LRRC43: variants seen among roughly 807,000 people sequenced by gnomAD.
The protein encoded by LRRC43 is leucine rich repeat containing 43, also known as leucine-rich repeat-containing protein 43.
In LRRC43, 62 loss-of-function variants were observed where a neutral mutation model predicts 64.3. The observed-to-expected ratio is 0.96, with a 90% CI of 0.79 to 1.19. The LOEUF is 1.19. LRRC43 is among the 50% of genes most tolerant of loss of function. The pLI, the probability that LRRC43 is intolerant of heterozygous loss-of-function variation, is 0.00. For missense variants in LRRC43, 868 were observed against 845.0 expected, an observed-to-expected ratio of 1.03 and a Z score of -0.34; for synonymous variants, 422 against 382.3, an observed-to-expected ratio of 1.10 and a Z score of -1.21.
In LRRC43 at chr12:122,190,175, C is replaced by G. The variant is rs1953699253; in HGVS notation, c.708C>G (p.Asp236Glu). 1.2e-6 allele frequency: 2 copies of G among 1,614,172 alleles called. No homozygotes were observed. Among genetic ancestry groups the G allele is most frequent in the Non-Finnish European group, 1.7e-6 (2 of 1,180,030 alleles). ...SLDLGFNDLT[D>E]LQSMVTSLRT... ...ACCTGGGCTTCAACGACCTGACAGA[C>G]CTGCAGAGCATGGTCACCAGCCTGA... Residue 236 changes from aspartate (D) to glutamate (E), a missense_variant, in exon 5 of 12, where the codon GAC becomes GAG. Coordinates refer to ENST00000339777, the MANE Select transcript of LRRC43 (RefSeq NM_001098519.2).
At chr12:122,179,875 G>A (rs1389061596), upstream of LRRC43, among the ~76,000 whole-genome samples, 3 of 151,526 alleles carry the variant, frequency 2.0e-5, no homozygotes, top group Non-Finnish European at 4.4e-5. Context: ...GGAGGCTGAG[G>A]CAGGAGAATT....
At chr12:122,189,902 G>A (rs529790728) in intron 4 of LRRC43, among the ~76,000 whole-genome samples, 83 of 152,350 alleles carry the variant, frequency 5.4e-4, no homozygotes, top group Middle Eastern at 6.8e-3. Context: ...CGGTGGGGGC[G>A]TCTCTGTGAC....
chr12:122,175,327 G>T (rs1479085342), intron 1 of LRRC43, among the ~76,000 whole-genome samples: 1 of 151,464 alleles, frequency 6.6e-6, no homozygotes, highest in African/African-American at 2.4e-5. Flanking sequence ...CCACCACCAC[G>T]CACAGCTAAT....
chr12:122,199,981 C>T (rs1312948002), intron 7 of LRRC43, among the ~76,000 whole-genome samples: 1 of 152,194 alleles, frequency 6.6e-6, no homozygotes, highest in Non-Finnish European at 1.5e-5. Flanking sequence ...CTCCACTTGC[C>T]TTTCTTTTGC....
At position 122,200,983 on chromosome 12, in the gene LRRC43, C is replaced by T. The variant is rs776378165; in HGVS notation, c.1809+49C>T. 3.3e-6 allele frequency: 5 copies of T among 1,535,378 alleles called. No individual in the cohort carries two copies. Among genetic ancestry groups the T allele is most frequent in the Non-Finnish European group, 3.5e-6 (4 of 1,143,508 alleles). ...CCTCCACCTCTGCCTTCGCCCTCCC[C>T]ATGGGAACCCCGCGGGCAAGCAAGG... On this transcript the variant is annotated intron_variant, in intron 10 of 11. Coordinates refer to ENST00000339777, the MANE Select transcript of LRRC43 (RefSeq NM_001098519.2). This position sits in a 1 kb window ranked among gnomAD's most constrained non-coding sequence, Gnocchi z 4.6.
chr12:122,192,929 A>G lies in LRRC43; in HGVS notation c.1274A>G (p.Gln425Arg). 1 of 1,614,020 alleles carries G rather than the reference A, an allele frequency of 6.2e-7. No homozygotes were observed. Among genetic ancestry groups the G allele is most frequent in the Non-Finnish European group, 8.5e-7 (1 of 1,180,028 alleles). The change falls in exon 7 of 12, where the codon CAG becomes CGG. Residue 425 changes from glutamine (Q) to arginine (R), a missense_variant. Transcript: ENST00000339777. ...ATCTCGGGGCCTTCGACCATCTTGC[A>G]GATGCCGAGGGCCTCTGCAGAAGAG... ...SVISGPSTIL[Q>R]MPRASAEELA... is the part of the protein sequence containing the mutation.
chr12:122,173,917 A>C (rs1038484515), intron 1 of LRRC43: 10 of 1,614,204 alleles, frequency 6.2e-6, no homozygotes, highest in Non-Finnish European at 8.5e-6. Flanking sequence ...TGGTCGTAGT[A>C]AACGGACGGG....
chr12:122,190,064 C>T, intron 4 of LRRC43, 66 bp from the exon 5 acceptor site: 2 of 1,350,020 alleles, frequency 1.5e-6, no homozygotes, highest in South Asian at 1.2e-5. Flanking sequence ...TCCGTTTTGG[C>T]CACAGGCTGC....
At chr12:122,186,035 G>A (rs982052434) in intron 2 of LRRC43, among the ~76,000 whole-genome samples, 155 bp from the exon 3 acceptor site, 3 of 151,682 alleles carry the variant, frequency 2.0e-5, no homozygotes, top group African/African-American at 4.8e-5. Context: ...CTGGCAGAGC[G>A]ATGCAGTGCA....
intron 4 of LRRC43, among the ~76,000 whole-genome samples, chr12:122,188,787 A>G (rs1318996130): frequency 6.6e-6 from 1 of 152,200 alleles, no homozygotes; most frequent in Non-Finnish European, 1.5e-5. Context: ...GCTCGTTGGC[A>G]TCGGAACCCC....
At chr12:122,182,062 G>A (rs1332356588), upstream of LRRC43, among the ~76,000 whole-genome samples, 3 of 152,058 alleles carry the variant, frequency 2.0e-5, no homozygotes, top group African/African-American at 7.2e-5. Flanking sequence ...AAGTTTGGGG[G>A]CTCCTCAGGA....
chr12:122,175,335 A>G (rs1953528204), intron 1 of LRRC43, among the ~76,000 whole-genome samples: 2 of 151,266 alleles, frequency 1.3e-5, no homozygotes, highest in Admixed American at 1.3e-4. Context: ...ACGCACAGCT[A>G]ATTTTTGTAT....
At chr12:122,199,572 C>G (rs1440351782) in intron 7 of LRRC43, among the ~76,000 whole-genome samples, 1 of 151,544 alleles carries the variant, frequency 6.6e-6, no homozygotes, top group Non-Finnish European at 1.5e-5. Flanking sequence ...GTGAGTCACC[C>G]TGCCCGGCCT....
In LRRC43 at chr12:122,196,117, A is replaced by G. The variant is rs1224296703; in HGVS notation, c.1349+3113A>G. Among the ~76,000 whole-genome samples the G allele has an allele frequency of 2.0e-5, 3 of 152,184 alleles. No homozygotes were observed. The East Asian group carries it at 5.8e-4, about 29-fold the overall frequency. On this transcript the variant is annotated intron_variant, in intron 7 of 11. Coordinates refer to ENST00000339777, the MANE Select transcript of LRRC43 (RefSeq NM_001098519.2). ...ATGTTGGCCCTGAAAATTCTCAGTG[A>G]CTTGGCTCTTCAGCACCTTCAACAG...
chr12:122,188,632 G>A (rs903611060), intron 4 of LRRC43, among the ~76,000 whole-genome samples: 1 of 151,528 alleles, frequency 6.6e-6, no homozygotes, highest in South Asian at 2.1e-4. Flanking sequence ...GTAGAGACGG[G>A]GTTTCACCAT....
intron 7 of LRRC43, among the ~76,000 whole-genome samples, chr12:122,194,655 G>A (rs1261494993): frequency 6.7e-6 from 1 of 150,244 alleles, no homozygotes; most frequent in African/African-American, 2.4e-5. Flanking sequence ...TCTCTTTTTT[G>A]TGGTGGGGTC....
rs367615173 is a variant in LRRC43, at chr12:122,191,564, C to T, written c.1086C>T (p.Ala362=). 14 of 1,613,250 alleles carry T rather than the reference C, an allele frequency of 8.7e-6. No homozygotes were observed. Among genetic ancestry groups the T allele is most frequent in the African/African-American group, 2.7e-5 (2 of 74,862 alleles). ...GEMNESAGVL[A]EIVKPSPSLE... ...TGAATGAGTCCGCGGGCGTCCTGGC[C>T]GAGGTGTGCCCTGGTCTGTCCCTAG... is the stretch of plus-strand genomic sequence containing the variant. The change falls in exon 6 of 12, where the codon GCC becomes GCT. Residue 362 remains alanine (A), a synonymous_variant. Coordinates refer to ENST00000339777, the MANE Select transcript of LRRC43 (RefSeq NM_001098519.2).
intron 3 of LRRC43, chr12:122,187,409 T>A (rs1490836180): frequency 3.2e-6 from 1 of 308,024 alleles, no homozygotes; most frequent in Non-Finnish European, 6.0e-6. Context: ...GACGCATTCC[T>A]ATGGGTTGAG....
intron 7 of LRRC43, among the ~76,000 whole-genome samples, chr12:122,197,442 G>A (rs1309155849): frequency 6.6e-6 from 1 of 152,080 alleles, no homozygotes; most frequent in Non-Finnish European, 1.5e-5. Context: ...TGGGATTACA[G>A]GTGTGAGCCA....
Sources: allele counts gnomAD v4.1 joint callset (sites outside exome capture counted in the v4.1 genomes callset), GRCh38; gene constraint gnomAD v4.1.1; non-coding constraint Gnocchi (gnomAD v3.1); transcripts MANE v1.5; gene names NCBI Gene and HGNC (gene_info 2026-07-23, HGNC 2026-07-21).